CADM2: variants seen among roughly 807,000 people sequenced by gnomAD.
The protein encoded by CADM2 is immunoglobulin superfamily member 4D.
Under a neutral mutation model 49.8 loss-of-function variants are expected in CADM2, and 12 were observed. The observed-to-expected ratio is 0.24, with a 90% CI of 0.15 to 0.39. The LOEUF is 0.39. CADM2 is among the 10% of genes least tolerant of loss of function. The pLI, the probability that CADM2 is intolerant of heterozygous loss-of-function variation, is 1.00. For missense variants in CADM2, 378 were observed against 492.3 expected (o/e 0.77, Z 2.20); for synonymous variants, 214 against 175.4 (o/e 1.22, Z -1.74).
chr3:85,512,237 A>G (rs1040340205), intron 1 of CADM2, among the ~76,000 whole-genome samples: 1 of 151,996 alleles, frequency 6.6e-6, no homozygotes, highest in Non-Finnish European at 1.5e-5. Flanking sequence ...TTAGCTCCCA[A>G]GCTCCCACTT....
At chr3:85,376,342 G>T (rs1383407547) in intron 1 of CADM2, among the ~76,000 whole-genome samples, 2 of 152,042 alleles carry the variant, frequency 1.3e-5, no homozygotes, top group Non-Finnish European at 2.9e-5. Flanking sequence ...GAAGGCTTTT[G>T]TATAATTAGC....
intron 2 of CADM2, among the ~76,000 whole-genome samples, chr3:85,762,715 A>T (rs1482387238): frequency 1.3e-5 from 2 of 151,534 alleles, no homozygotes; most frequent in Admixed American, 1.3e-4. Context: ...TGTATATACT[A>T]TATACACACA....
At chr3:85,710,716 A>G (rs1221346720) in intron 1 of CADM2, among the ~76,000 whole-genome samples, 1 of 152,178 alleles carries the variant, frequency 6.6e-6, no homozygotes, top group Admixed American at 6.6e-5. Context: ...CCTTTAGCGC[A>G]TGAGTCAGAA....
At chr3:85,514,652 T>C (rs2060850126) in intron 1 of CADM2, among the ~76,000 whole-genome samples, 1 of 152,112 alleles carries the variant, frequency 6.6e-6, no homozygotes, top group Admixed American at 6.5e-5. Context: ...TGTGACCTTT[T>C]CTATGCAAAT....
At chr3:85,576,673 T>C (rs2062641212) in intron 1 of CADM2, among the ~76,000 whole-genome samples, 1 of 152,178 alleles carries the variant, frequency 6.6e-6, no homozygotes, top group African/African-American at 2.4e-5. Flanking sequence ...GTTAATGTTA[T>C]AATTTTTCAA....
intron 1 of CADM2, among the ~76,000 whole-genome samples, chr3:85,103,997 G>T (rs903895067): frequency 6.6e-6 from 1 of 152,114 alleles, no homozygotes; most frequent in South Asian, 2.1e-4. Context: ...AGATGTAAAA[G>T]AATAATTAGA....
chr3:85,298,203 T>G (rs908919143), intron 1 of CADM2, among the ~76,000 whole-genome samples: 5 of 152,072 alleles, frequency 3.3e-5, no homozygotes, highest in Non-Finnish European at 7.4e-5. Context: ...TGCCACTATG[T>G]TGATGCTACT....
intron 1 of CADM2, among the ~76,000 whole-genome samples, chr3:85,684,886 A>G (rs1213953677): frequency 1.3e-5 from 2 of 152,210 alleles, no homozygotes; most frequent in Non-Finnish European, 2.9e-5. Context: ...GTGGGAACAC[A>G]GCCAAACCAA....
intron 1 of CADM2, among the ~76,000 whole-genome samples, chr3:85,217,949 C>T (rs1261760531): frequency 6.6e-6 from 1 of 151,882 alleles, no homozygotes; most frequent in African/African-American, 2.4e-5. Flanking sequence ...CTTTAAATAA[C>T]TTTGTTGTAT....
At chr3:85,521,140 G>A (rs770260184) in intron 1 of CADM2, among the ~76,000 whole-genome samples, 3 of 152,134 alleles carry the variant, frequency 2.0e-5, no homozygotes, top group African/African-American at 7.2e-5. Context: ...GAAAGCCTAT[G>A]TAAATCCACT....
At chr3:85,107,403 T>C (rs1436051643) in intron 1 of CADM2, among the ~76,000 whole-genome samples, 1 of 152,072 alleles carries the variant, frequency 6.6e-6, no homozygotes, top group African/African-American at 2.4e-5. Flanking sequence ...GCCACAATGA[T>C]ATACCACTTC....
chr3:85,903,311 T>G (rs931649425), intron 5 of CADM2, among the ~76,000 whole-genome samples: 1 of 152,126 alleles, frequency 6.6e-6, no homozygotes, highest in Non-Finnish European at 1.5e-5. Flanking sequence ...CTGGTGCTTT[T>G]TTTTTTCCTT....
chr3:86,023,192 A>T (rs1403017982), intron 8 of CADM2, among the ~76,000 whole-genome samples: 5 of 152,204 alleles, frequency 3.3e-5, no homozygotes, highest in Middle Eastern at 3.4e-3. Flanking sequence ...TATTGAGAAA[A>T]TTTTTTCTTT....
intron 8 of CADM2, chr3:86,014,424 G>C (rs1415696437): frequency 4.0e-6 from 6 of 1,482,754 alleles, no homozygotes; most frequent in East Asian, 4.7e-5. Context: ...AAATATTGAA[G>C]TTTATCATGA....
At chr3:86,052,555 A>G (rs1559826842) in intron 8 of CADM2, among the ~76,000 whole-genome samples, 2 of 152,136 alleles carry the variant, frequency 1.3e-5, no homozygotes, top group Admixed American at 1.3e-4. Flanking sequence ...GTATAACAAG[A>G]ATTTAAGTCC....
intron 2 of CADM2, chr3:85,800,713 C>G (rs1362750780): frequency 6.6e-6 from 1 of 152,404 alleles, no homozygotes; most frequent in African/African-American, 2.4e-5. Flanking sequence ...CACCCTACTT[C>G]TGCTCGCCCT....
chr3:85,141,445 G>T (rs2039573479), intron 1 of CADM2, among the ~76,000 whole-genome samples: 1 of 152,138 alleles, frequency 6.6e-6, no homozygotes, highest in Non-Finnish European at 1.5e-5. Flanking sequence ...GATATTTGAG[G>T]AGTAGTAGTG....
intron 1 of CADM2, among the ~76,000 whole-genome samples, chr3:85,724,813 T>A (rs761855008): frequency 2.2e-4 from 33 of 151,886 alleles, no homozygotes; most frequent in Non-Finnish European, 3.5e-4. Flanking sequence ...TACCTGTAAT[T>A]TTTGATATAT....
intron 2 of CADM2, among the ~76,000 whole-genome samples, chr3:85,770,790 G>A (rs2070044167): frequency 6.6e-6 from 1 of 152,070 alleles, no homozygotes; most frequent in African/African-American, 2.4e-5. Flanking sequence ...TCTCGTTCAT[G>A]CACCTATTTA....
Sources: gnomAD v4.1 joint callset for allele counts (sites outside exome capture counted in the v4.1 genomes callset) on GRCh38, gnomAD v4.1.1 for gene constraint, MANE v1.5 for transcripts, NCBI Gene and HGNC (gene_info 2026-07-23, HGNC 2026-07-21) for gene names.